The following AGXT variants were observed in gnomAD, a reference collection of about 807,000 sequenced individuals.
AGXT encodes alanine--glyoxylate aminotransferase.
In AGXT, 41 loss-of-function variants were observed where a neutral mutation model predicts 46.9. That is an observed-to-expected ratio of 0.88 (90% CI 0.68 to 1.14). AGXT has a LOEUF of 1.14. Ranked by LOEUF, AGXT falls within the 50% of genes most tolerant of loss-of-function variation. The pLI is 0.00. For synonymous variants in AGXT, 244 were observed against 227.9 expected (o/e 1.07, Z -0.64); for missense variants, 525 against 522.7 (o/e 1.00, Z -0.04).
chr2:240,871,547 C>T (rs1486355390), intron 4 of AGXT, 98 bp downstream of exon 4: 1 of 1,097,894 alleles, frequency 9.1e-7, no homozygotes, highest in African/African-American at 1.6e-5. Context: ...GCCCCTGGTC[C>T]CCACCCCAGC....
chr2:240,875,330 G>A (rs1013183616), intron 7 of AGXT, 126 bp downstream of exon 7: 2 of 801,694 alleles, frequency 2.5e-6, no homozygotes, highest in African/African-American at 3.4e-5. Flanking sequence ...ACCCCAACTA[G>A]AGCCCCAGAA....
At chr2:240,870,168 G>T (rs139972494) in intron 2 of AGXT, among the ~76,000 whole-genome samples, 3 of 152,148 alleles carry the variant, frequency 2.0e-5, no homozygotes, top group South Asian at 2.1e-4. Context: ...AGACAGGGAG[G>T]GGGTGAGGGC....
Position 240,876,018 on chromosome 2 carries a change from A to G in AGXT, c.846+14A>G. ...ATTGCGGAACAGGTGCATGGGCTGCACTCCACAGGAGGAGACAGGGCCACT... is the reference window on the plus strand; with the variant it reads ...ATTGCGGAACAGGTGCATGGGCTGCGCTCCACAGGAGGAGACAGGGCCACT... On this transcript the variant is annotated intron_variant, in intron 8 of 10. Coordinates refer to ENST00000307503, the MANE Select transcript of AGXT (RefSeq NM_000030.3). The G allele has an allele frequency of 1.2e-6, 2 of 1,613,448 alleles. No individual in the cohort carries two copies. The highest frequency in any genetic ancestry group is 1.7e-6 in the Non-Finnish European group (2 of 1,179,594).
intron 5 of AGXT, chr2:240,873,288 T>G: frequency 1.8e-6 from 1 of 543,322 alleles, no homozygotes; most frequent in Non-Finnish European, 3.3e-6. Context: ...GAGGGACAGC[T>G]TCTGGTGGGG....
chr2:240,877,820 G>A lies in AGXT; in HGVS notation c.942+188G>A, dbSNP rs565681467. Among the ~76,000 whole-genome samples, 3 of 152,346 alleles carry A rather than the reference G, an allele frequency of 2.0e-5. No homozygotes were observed. The East Asian group carries it at 5.8e-4, about 29-fold the overall frequency. On this transcript the variant is annotated intron_variant, in intron 9 of 10. Transcript: ENST00000307503. ...TCACAGCTCCCGGCCTCTGATGCGG[G>A]ATCTCAGGACGGCCTGTGATCTCCC...
chr2:240,879,002 G>T lies in AGXT; in HGVS notation c.*181G>T. The T allele has an allele frequency of 3.1e-6, 2 of 655,486 alleles. No individual in the cohort carries two copies. Among genetic ancestry groups the T allele is most frequent in the Non-Finnish European group, 5.4e-6 (2 of 367,750 alleles). 40.6% of individuals were successfully genotyped at this position (655,486 alleles called of 1,614,324 possible). A position where few individuals can be genotyped will look rare whatever the true frequency, so the allele number is the denominator to read the frequency against. On this transcript the variant is annotated 3_prime_UTR_variant, in exon 11 of 11. Coordinates refer to ENST00000307503, the MANE Select transcript of AGXT (RefSeq NM_000030.3). Reference sequence around the variant, plus strand: ...CCAGGCAGCCCTTTTCCCTCCAGTGGCACCTCCTGGAAACAGTCCACTTGG... The same window carrying T: ...CCAGGCAGCCCTTTTCCCTCCAGTGTCACCTCCTGGAAACAGTCCACTTGG...
rs1374742681 is a variant in AGXT at position 240,879,223 on chromosome 2, G to A, written c.*402G>A. 6.7e-5 allele frequency: 20 copies of A among 296,344 alleles called. No individual in the cohort carries two copies. The East Asian group carries it at 1.9e-3, about 28-fold the overall frequency. The allele number at this position is 296,344 out of a possible 1,614,324, so 18.4% of individuals were successfully genotyped here. A position where few individuals can be genotyped will look rare whatever the true frequency, so the allele number is the denominator to read the frequency against. On this transcript the variant is annotated 3_prime_UTR_variant, in exon 11 of 11. Coordinates refer to ENST00000307503, the MANE Select transcript of AGXT (RefSeq NM_000030.3). ...ACACTCCTCATCCTGGAGCCCACAG[G>A]GTAGATCCTCCCCTGGAGGAGGTGC...
chr2:240,875,924 G>A lies in AGXT; in HGVS notation c.777-11G>A, dbSNP rs572640218. ...CCATGGTGCTGGACCAAGCCCCCTCGTGTCTTCCAGGTACCATCACACAAT... is the reference window on the plus strand; with the variant it reads ...CCATGGTGCTGGACCAAGCCCCCTCATGTCTTCCAGGTACCATCACACAAT... On this transcript the variant is annotated splice_polypyrimidine_tract_variant and intron_variant, in intron 7 of 10. Transcript: ENST00000307503. 44 of 1,614,108 alleles carry A rather than the reference G, an allele frequency of 2.7e-5. No individual in the cohort carries two copies. The highest frequency in any genetic ancestry group is 6.7e-5 in the Admixed American group (4 of 60,022).
At chr2:240,871,596 C>T in intron 4 of AGXT, 147 bp downstream of exon 4, 1 of 775,234 alleles carries the variant, frequency 1.3e-6, no homozygotes, top group Non-Finnish European at 2.1e-6. Flanking sequence ...CCTCCCAGGT[C>T]CTCTTTGCTC....
At chr2:240,874,600 A>G in intron 6 of AGXT, among the ~76,000 whole-genome samples, 1 of 152,152 alleles carries the variant, frequency 6.6e-6, no homozygotes, top group Non-Finnish European at 1.5e-5. Flanking sequence ...GAAGTCAGGA[A>G]TTCGGTGTTG....
At chr2:240,873,696 G>A (rs1449632207) in intron 5 of AGXT, among the ~76,000 whole-genome samples, 3 of 152,266 alleles carry the variant, frequency 2.0e-5, no homozygotes, top group East Asian at 3.9e-4. Flanking sequence ...AGGGACCTGG[G>A]GAGGGCCCCA....
chr2:240,870,803 G>A, intron 3 of AGXT, 95 bp downstream of exon 3: 1 of 1,258,194 alleles, frequency 7.9e-7, no homozygotes, highest in Non-Finnish European at 1.1e-6. Flanking sequence ...AGCAGGGTGG[G>A]ATCATGGCCG....
chr2:240,875,372 C>G lies in AGXT; in HGVS notation c.776+168C>G, dbSNP rs566938067. The stretch of plus-strand genomic sequence containing the variant: ...TGCATCAGGCAGTCAAATGCCCCAC[C>G]CTGGGTTCCCCCATTCCTCGACTGG... On this transcript the variant is annotated intron_variant, in intron 7 of 10. Coordinates refer to ENST00000307503, the MANE Select transcript of AGXT (RefSeq NM_000030.3). Among the ~76,000 whole-genome samples the G allele has an allele frequency of 6.6e-5, 10 of 152,348 alleles. No individual in the cohort carries two copies. The East Asian group carries it at 1.7e-3, about 26-fold the overall frequency.
rs2059036577 is a variant in AGXT, at chr2:240,877,936, C to A, written c.943-86C>A. On this transcript the variant is annotated intron_variant, in intron 9 of 10. Transcript: ENST00000307503. ...CCCCCGGCTCCTCTGGAACCTGAAG[C>A]TGGGGCAGATGGTGCAGGCCAAGAG... 10 of 1,561,552 alleles carry A rather than the reference C, an allele frequency of 6.4e-6. No homozygotes were observed. The East Asian group carries it at 2.3e-4, about 35-fold the overall frequency.
intron 5 of AGXT, 124 bp downstream of exon 5, chr2:240,873,173 C>A: frequency 1.2e-6 from 1 of 804,734 alleles, no homozygotes; most frequent in Non-Finnish European, 2.1e-6. Flanking sequence ...CTCCACCAGG[C>A]CCAGGGAAAC....
intron 8 of AGXT, 57 bp from the exon 9 acceptor site, chr2:240,877,479 CG>C: frequency 6.9e-7 from 1 of 1,441,630 alleles, no homozygotes; most frequent in Non-Finnish European, 9.5e-7. Context: ...CCACAGAGGG[CG>C]GGGCTTCCTG....
At chr2:240,871,972 C>A (rs1223481904) in intron 4 of AGXT, among the ~76,000 whole-genome samples, 1 of 152,242 alleles carries the variant, frequency 6.6e-6, no homozygotes, top group African/African-American at 2.4e-5. Flanking sequence ...AGGGAGGGTC[C>A]TTCTGACAGG....
intron 4 of AGXT, 90 bp from the exon 5 acceptor site, chr2:240,872,889 G>A: frequency 8.4e-7 from 1 of 1,184,118 alleles, no homozygotes. Flanking sequence ...GCCAGCCTGA[G>A]GCTCAGAAAC....
In AGXT at chr2:240,869,177, A is replaced by G. The variant is rs1373914192; in HGVS notation, c.173A>G (p.Asp58Gly). The G allele has an allele frequency of 6.8e-7, 1 of 1,470,098 alleles. No individual in the cohort carries two copies. The highest frequency in any genetic ancestry group is 2.4e-5 in the East Asian group (1 of 41,954). The allele number at this position is 1,470,098 out of a possible 1,614,324, so 91.1% of individuals were successfully genotyped here. A position where few individuals can be genotyped will look rare whatever the true frequency, so the allele number is the denominator to read the frequency against. Residue 58 changes from aspartate to glycine, a missense_variant, in exon 2 of 11, where the codon GAC becomes GGC. By Grantham distance (94) the Asp-to-Gly change is moderately conservative. Coordinates refer to ENST00000307503, the MANE Select transcript of AGXT (RefSeq NM_000030.3). ...SMSKDMYQIM[D>G]EIKEGIQYVF... is the part of the protein sequence containing the mutation. Reference sequence around the variant, plus strand: ...TATACCACCCGCATGCAGATCATGGACGAGATCAAGGAAGGCATCCAGTAC... The same window carrying G: ...TATACCACCCGCATGCAGATCATGGGCGAGATCAAGGAAGGCATCCAGTAC...
Sources: gnomAD v4.1 joint callset for allele counts (sites outside exome capture counted in the v4.1 genomes callset) on GRCh38, gnomAD v4.1.1 for gene constraint, MANE v1.5 for transcripts, NCBI Gene and HGNC (gene_info 2026-07-23, HGNC 2026-07-21) for gene names.